Variants in ARHGEF9 observed in about 807,000 individuals in gnomAD.
ARHGEF9 encodes rho guanine nucleotide exchange factor 9.
A neutral mutation model predicts 41.3 loss-of-function variants in ARHGEF9; 2 were observed. The ratio of observed to expected loss-of-function variants is 0.05; its 90% CI spans 0.02 to 0.15. The LOEUF (loss-of-function observed/expected upper bound fraction) is 0.15. Ranked by LOEUF, ARHGEF9 falls within the 10% of genes least tolerant of loss-of-function variation. The pLI is 1.00. For missense variants in ARHGEF9, 225 were observed against 424.7 expected, an observed-to-expected ratio of 0.53 and a Z score of 4.13; for synonymous variants, 160 against 154.4, an observed-to-expected ratio of 1.04 and a Z score of -0.27.
In ARHGEF9 at chrX:63,678,335, C is replaced by T. The variant is rs56239759; in HGVS notation, c.815+5G>A. The T allele has an allele frequency of 1.7e-6, 2 of 1,194,953 alleles. No homozygotes were observed. The highest frequency in any genetic ancestry group is 2.3e-4 in the Middle Eastern group (1 of 4,329). ...CATTCACTCCTGACTCCCTCGATCC[C>T]TTACCTGTGGTCTTGGGCAGTATAC... On this transcript the variant is annotated splice_donor_5th_base_variant and intron_variant, in intron 5 of 9. Transcript: ENST00000671741.
intron 8 of ARHGEF9, 150 bp downstream of exon 8, chrX:63,655,344 C>T: frequency 1.2e-6 from 1 of 860,803 alleles, no homozygotes; most frequent in Non-Finnish European, 1.6e-6. Context: ...TGGTACTTAC[C>T]AAAAAGAACC....
chrX:63,728,063 T>C (rs1380724441), intron 1 of ARHGEF9, among the ~76,000 whole-genome samples: 5 of 111,955 alleles, frequency 4.5e-5, no homozygotes, highest in African/African-American at 1.6e-4. Flanking sequence ...GGTATGTGCA[T>C]GGAGGTGAGA....
At chrX:63,711,339 G>A (rs1409611564) in intron 2 of ARHGEF9, among the ~76,000 whole-genome samples, 1 of 111,383 alleles carries the variant, frequency 9.0e-6, no homozygotes, top group African/African-American at 3.3e-5. Flanking sequence ...AGGGACCTAG[G>A]ATAACCAAAA....
chrX:63,763,032 T>C (rs782617680), intron 1 of ARHGEF9, among the ~76,000 whole-genome samples: 1 of 112,300 alleles, frequency 8.9e-6, no homozygotes, highest in Non-Finnish European at 1.9e-5. Context: ...AAAATATGTG[T>C]CAATCAACTG....
chrX:63,681,397 G>C (rs1264170429), intron 4 of ARHGEF9, among the ~76,000 whole-genome samples: 47 of 112,069 alleles, frequency 4.2e-4, no homozygotes, highest in African/African-American at 1.4e-3. Flanking sequence ...ATCATATCAA[G>C]TATCTTTTCT....
At chrX:63,723,940 C>T (rs1481764779) in intron 2 of ARHGEF9, among the ~76,000 whole-genome samples, 1 of 112,116 alleles carries the variant, frequency 8.9e-6, no homozygotes, top group African/African-American at 3.2e-5. Context: ...TAGATCCCAG[C>T]CACTTGATTC....
At chrX:63,762,773 T>G (rs1356230719) in intron 1 of ARHGEF9, among the ~76,000 whole-genome samples, 1 of 111,435 alleles carries the variant, frequency 9.0e-6, no homozygotes, top group Non-Finnish European at 1.9e-5. Flanking sequence ...TACCTGCCTC[T>G]CCTGCCTCCC....
At chrX:63,663,195 C>A (rs1251176133) in intron 7 of ARHGEF9, among the ~76,000 whole-genome samples, 1 of 111,432 alleles carries the variant, frequency 9.0e-6, no homozygotes, top group Non-Finnish European at 1.9e-5. Context: ...AATTTATATT[C>A]CCCTGTTATC....
chrX:63,783,543 GCCGCGC>G (rs2056415764), intron 1 of ARHGEF9, among the ~76,000 whole-genome samples: 1 of 111,702 alleles, frequency 9.0e-6, no homozygotes, highest in African/African-American at 3.3e-5. Context: ...GGCGTGGGCG[GCCGCGC>G]CCGGCTTTCA....
intron 2 of ARHGEF9, among the ~76,000 whole-genome samples, chrX:63,707,810 C>T (rs1556403711): frequency 9.0e-6 from 1 of 111,377 alleles, no homozygotes. Flanking sequence ...TCTGTATATT[C>T]TTCCTTCTTT....
chrX:63,653,848 C>T lies in ARHGEF9; in HGVS notation c.1321+1646G>A, dbSNP rs1393025920. 1.2e-4 allele frequency among the ~76,000 whole-genome samples: 13 copies of T among 110,426 alleles called. No homozygotes were observed. The Middle Eastern group carries it at 0.019, about 161-fold the overall frequency. On this transcript the variant is annotated intron_variant, in intron 8 of 9. Transcript: ENST00000671741. ...AAAAAGCTATGATAAAACTATATGACCCTCATAAAATAATGATTAAAAATA... is the reference window on the plus strand; with the variant it reads ...AAAAAGCTATGATAAAACTATATGATCCTCATAAAATAATGATTAAAAATA...
At chrX:63,755,388 G>T in intron 1 of ARHGEF9, 1 of 362,817 alleles carries the variant, frequency 2.8e-6, no homozygotes, top group Non-Finnish European at 4.3e-6. Context: ...CTTCTTGGGG[G>T]CGGATAGAGG....
At chrX:63,721,702 G>A (rs1298641441) in intron 2 of ARHGEF9, among the ~76,000 whole-genome samples, 4 of 111,031 alleles carry the variant, frequency 3.6e-5, no homozygotes, top group African/African-American at 1.3e-4. Context: ...TCTACCCTTA[G>A]CTCCTAGCAG....
chrX:63,693,611 C>CA (rs782546360), intron 4 of ARHGEF9, among the ~76,000 whole-genome samples: 5,139 of 33,212 alleles, frequency 0.15, 790 homozygotes, highest in African/African-American at 0.39. Flanking sequence ...GATTCCATCT[C>CA]AAAAAAAAAA....
chrX:63,723,081 C>T (rs1230371236), intron 2 of ARHGEF9, among the ~76,000 whole-genome samples: 1 of 111,198 alleles, frequency 9.0e-6, no homozygotes, highest in African/African-American at 3.3e-5. Context: ...TCAAGGGAAG[C>T]CTTGATACAT....
chrX:63,778,321 A>AC (rs1387549918), intron 1 of ARHGEF9, among the ~76,000 whole-genome samples: 1 of 112,172 alleles, frequency 8.9e-6, no homozygotes, highest in Non-Finnish European at 1.9e-5. Context: ...GATGCAGGTC[A>AC]CCAAGTCCCA....
intron 1 of ARHGEF9, among the ~76,000 whole-genome samples, chrX:63,758,874 C>T (rs1329960562): frequency 2.7e-5 from 3 of 111,910 alleles, no homozygotes; most frequent in Non-Finnish European, 3.8e-5. Context: ...GCAGAGACCA[C>T]GACTGTCTTG....
At chrX:63,746,436 C>T (rs1259603281) in intron 1 of ARHGEF9, among the ~76,000 whole-genome samples, 1 of 111,609 alleles carries the variant, frequency 9.0e-6, no homozygotes, top group Non-Finnish European at 1.9e-5. Flanking sequence ...AGAGTCATGA[C>T]TGCATCCTGA....
chrX:63,762,679 C>T (rs2056053799), intron 1 of ARHGEF9, among the ~76,000 whole-genome samples: 2 of 111,865 alleles, frequency 1.8e-5, no homozygotes, highest in African/African-American at 3.2e-5. Context: ...ATGCAGAATA[C>T]TGTTGACCCT....
Sources: allele counts gnomAD v4.1 joint callset (sites outside exome capture counted in the v4.1 genomes callset), GRCh38; gene constraint gnomAD v4.1.1; transcripts MANE v1.5; gene names NCBI Gene and HGNC (gene_info 2026-07-23, HGNC 2026-07-21).